STK39: variants seen among roughly 807,000 people sequenced by gnomAD.
STK39 encodes the protein STE20/SPS1-related proline-alanine-rich protein kinase.
A neutral mutation model predicts 77.8 loss-of-function variants in STK39; 20 were observed. The ratio of observed to expected loss-of-function variants is 0.26; its 90% confidence interval spans 0.18 to 0.37. The LOEUF (loss-of-function observed/expected upper bound fraction) is 0.37, where lower values mean the gene tolerates loss of function less well. Among genes scored for constraint, STK39 ranks in the 10% least tolerant of loss-of-function variants. The probability of loss-of-function intolerance (pLI) is 1.00; values close to 1 mark genes in which losing one functional copy is unlikely to be tolerated. For synonymous variants in STK39, 246 were observed against 234.1 expected (o/e 1.05, Z -0.47); for missense variants, 479 against 656.5 (o/e 0.73, Z 2.95).
intron 1 of STK39, among the ~76,000 whole-genome samples, chr2:168,191,470 T>C (rs1021331916): frequency 6.6e-6 from 1 of 152,152 alleles, no homozygotes; most frequent in Non-Finnish European, 1.5e-5. Context: ...GGGAAGGCCC[T>C]GGATTTGGGC....
chr2:168,241,808 C>CT (rs536397479), intron 1 of STK39, among the ~76,000 whole-genome samples: 240 of 152,336 alleles, frequency 1.6e-3, no homozygotes, highest in African/African-American at 5.1e-3. Context: ...AGGCACGATT[C>CT]TCAGTGCTTT....
chr2:168,091,751 C>G (rs1686531922), intron 10 of STK39, among the ~76,000 whole-genome samples: 3 of 152,086 alleles, frequency 2.0e-5, no homozygotes, highest in Admixed American at 2.0e-4. Flanking sequence ...ACCTCTTTTA[C>G]TCACCTTCAA....
At chr2:168,008,561 C>T (rs946625138) in intron 16 of STK39, among the ~76,000 whole-genome samples, 1 of 152,042 alleles carries the variant, frequency 6.6e-6, no homozygotes, top group Non-Finnish European at 1.5e-5. Context: ...GAATATAAGT[C>T]TGGAATTCAA....
At chr2:168,130,284 G>A (rs1189086361) in intron 8 of STK39, among the ~76,000 whole-genome samples, 2 of 152,172 alleles carry the variant, frequency 1.3e-5, no homozygotes, top group African/African-American at 4.8e-5. Context: ...AAATGCGATC[G>A]TGATTAATAA....
At chr2:168,016,387 CAAAAAAAAAA>C (rs869084308) in intron 15 of STK39, among the ~76,000 whole-genome samples, 19 of 65,648 alleles carry the variant, frequency 2.9e-4, no homozygotes, top group African/African-American at 7.8e-4. Flanking sequence ...GGCCTTTGTT[CAAAAAAAAAA>C]AAAAAAAAAA....
intron 10 of STK39, among the ~76,000 whole-genome samples, chr2:168,086,165 T>C (rs929033144): frequency 5.9e-5 from 9 of 152,222 alleles, no homozygotes; most frequent in African/African-American, 1.7e-4. Flanking sequence ...ATTTACTGAA[T>C]GTGTTTTCAT....
intron 16 of STK39, among the ~76,000 whole-genome samples, chr2:167,983,332 A>G (rs1312056312): frequency 6.6e-6 from 1 of 151,758 alleles, no homozygotes; most frequent in Non-Finnish European, 1.5e-5. Flanking sequence ...ATACAAAATT[A>G]GCTGGGCGTG....
At chr2:168,218,461 G>C (rs1690079021) in intron 1 of STK39, among the ~76,000 whole-genome samples, 1 of 152,142 alleles carries the variant, frequency 6.6e-6, no homozygotes, top group African/African-American at 2.4e-5. Context: ...CCAGGGTCAG[G>C]TCATAGGACA....
chr2:167,972,940 C>T (rs1692390150), intron 16 of STK39, among the ~76,000 whole-genome samples: 1 of 152,144 alleles, frequency 6.6e-6, no homozygotes, highest in African/African-American at 2.4e-5. Context: ...TGCCTTCCAG[C>T]TGTGCCTGCT....
intron 1 of STK39, among the ~76,000 whole-genome samples, chr2:168,233,427 C>G (rs1690512112): frequency 6.6e-6 from 1 of 152,198 alleles, no homozygotes. Context: ...CACTTAATCT[C>G]CCTACACAGA....
chr2:168,052,483 T>C (rs1438626047), intron 14 of STK39, among the ~76,000 whole-genome samples: 1 of 152,206 alleles, frequency 6.6e-6, no homozygotes, highest in Admixed American at 6.5e-5. Context: ...AAAAGCAATC[T>C]AGCAAAGGAG....
In STK39 at chr2:168,223,510, CAA is replaced by C. The variant is rs60067513; in HGVS notation, c.208+23716_208+23717del. ...TGGGTGACAGAGTGAGACTCCGTCTCAAAAAAAAAAAAAAAAAAAGAAAAGAA... is the reference window on the plus strand; with the variant it reads ...TGGGTGACAGAGTGAGACTCCGTCTCAAAAAAAAAAAAAAAAAGAAAAGAA... On this transcript the variant is annotated intron_variant, in intron 1 of 17. Transcript: ENST00000355999. Among the ~76,000 whole-genome samples, 306 of 102,198 alleles carry C rather than the reference CAA, an allele frequency of 3.0e-3. 1 individual carries two copies. The East Asian group carries it at 0.036, about 12-fold the overall frequency. The allele number at this position is 102,198 out of a possible 152,430, so 67.0% of individuals were successfully genotyped here.
At position 167,988,955 on chromosome 2, in the gene STK39, T is replaced by C. The variant is rs79621319; in HGVS notation, c.1498+23679A>G. On this transcript the variant is annotated intron_variant, in intron 16 of 17. Transcript: ENST00000355999. ...CTGAGAGCTTCAACCAAGAGAGGTG[T>C]TGAAGGCATCCTCAAGCCCCAGACC... Among the ~76,000 whole-genome samples, 130 of 152,318 alleles carry C rather than the reference T, an allele frequency of 8.5e-4. 1 individual carries two copies. The highest frequency in any genetic ancestry group is 3.0e-3 in the African/African-American group (124 of 41,568).
chr2:168,071,267 C>A (rs16854636), intron 12 of STK39, among the ~76,000 whole-genome samples: 1 of 152,116 alleles, frequency 6.6e-6, no homozygotes, highest in South Asian at 2.1e-4. Context: ...GTTTAATATT[C>A]GACTTGCAGT....
At chr2:168,039,849 A>G (rs2105350436) in intron 14 of STK39, among the ~76,000 whole-genome samples, 1 of 152,364 alleles carries the variant, frequency 6.6e-6, no homozygotes, top group Middle Eastern at 3.4e-3. Flanking sequence ...CAGAAGGCTA[A>G]AAGAAAGGTA....
chr2:168,199,199 C>G (rs561184745), intron 1 of STK39, among the ~76,000 whole-genome samples: 1 of 152,318 alleles, frequency 6.6e-6, no homozygotes, highest in African/African-American at 2.4e-5. Context: ...CTGAGGTTTG[C>G]TCTCAGCTTC....
intron 12 of STK39, among the ~76,000 whole-genome samples, chr2:168,072,744 A>G (rs1426850728): frequency 1.3e-5 from 2 of 152,220 alleles, no homozygotes; most frequent in African/African-American, 2.4e-5. Flanking sequence ...GCTTACAGAA[A>G]GCAGTTTGGG....
intron 2 of STK39, 84 bp from the exon 3 acceptor site, chr2:168,167,491 G>T (rs181508131): frequency 2.4e-6 from 3 of 1,250,492 alleles, no homozygotes; most frequent in South Asian, 1.3e-5. Flanking sequence ...TGAGTACCTG[G>T]GTAACTTTCC....
At chr2:168,068,276 C>A (rs1299490815) in intron 12 of STK39, among the ~76,000 whole-genome samples, 1 of 152,076 alleles carries the variant, frequency 6.6e-6, no homozygotes, top group Non-Finnish European at 1.5e-5. Flanking sequence ...TGATGGGGAT[C>A]TAGGACAGGA....
Sources: gnomAD v4.1 joint callset for allele counts (sites outside exome capture counted in the v4.1 genomes callset) on GRCh38, gnomAD v4.1.1 for gene constraint, MANE v1.5 for transcripts, NCBI Gene and HGNC (gene_info 2026-07-23, HGNC 2026-07-21) for gene names.